The following QSER1 variants were observed in gnomAD, a reference collection of about 807,000 sequenced individuals.
The protein encoded by QSER1 is glutamine and serine-rich protein 1.
Under a neutral mutation model 158.5 loss-of-function variants are expected in QSER1, and 49 were observed. The observed-to-expected ratio is 0.31, with a 90% confidence interval of 0.25 to 0.39. The LOEUF (loss-of-function observed/expected upper bound fraction) is 0.39, where lower values mean the gene tolerates loss of function less well. Ranked by LOEUF, QSER1 falls within the 10% of genes least tolerant of loss-of-function variation. The probability of loss-of-function intolerance (pLI) is 1.00; values close to 1 mark genes in which losing one functional copy is unlikely to be tolerated. For synonymous variants in QSER1, 650 were observed against 715.5 expected, an observed-to-expected ratio of 0.91 and a Z score of 1.46; for missense variants, 1,754 against 2,010.3, an observed-to-expected ratio of 0.87 and a Z score of 2.44.
intron 1 of QSER1, among the ~76,000 whole-genome samples, chr11:32,916,619 A>G (rs4756359): frequency 0.36 from 54,340 of 152,030 alleles, 10,082 homozygotes; most frequent in South Asian, 0.45. Context: ...ACAAACCTGT[A>G]CAGGATCTTA....
chr11:32,916,589 T>G (rs989784936), intron 1 of QSER1, among the ~76,000 whole-genome samples: 1 of 152,086 alleles, frequency 6.6e-6, no homozygotes, highest in Non-Finnish European at 1.5e-5. Flanking sequence ...CTATATGGTA[T>G]GATCTGTCAA....
At chr11:32,915,196 C>T (rs1238540766) in intron 1 of QSER1, among the ~76,000 whole-genome samples, 2 of 152,216 alleles carry the variant, frequency 1.3e-5, no homozygotes, top group African/African-American at 4.8e-5. Flanking sequence ...GTGTGAGCCA[C>T]TGCACCTGGC....
chr11:32,977,916 C>G lies in QSER1; in HGVS notation c.*1442C>G, dbSNP rs114918008. ...TACTGCTCAATGCCCAAATAAGACACGCGGATATTGCTATTGTCTTGCTTT... is the reference window on the plus strand; with the variant it reads ...TACTGCTCAATGCCCAAATAAGACAGGCGGATATTGCTATTGTCTTGCTTT... On this transcript the variant is annotated 3_prime_UTR_variant, in exon 13 of 13. Transcript: ENST00000650167. 1 of 152,514 alleles carries G rather than the reference C, an allele frequency of 6.6e-6. No individual in the cohort carries two copies. Among genetic ancestry groups the G allele is most frequent in the Non-Finnish European group, 1.5e-5 (1 of 68,022 alleles). The allele number at this position is 152,514 out of a possible 1,614,324, so 9.4% of individuals were successfully genotyped here.
chr11:32,935,507 C>G, intron 4 of QSER1, 72 bp downstream of exon 4: 3 of 1,131,338 alleles, frequency 2.7e-6, no homozygotes, highest in Non-Finnish European at 3.7e-6. Context: ...ACATTTTAAG[C>G]TTTTTTCACT....
chr11:32,965,851 G>T (rs926144951), intron 8 of QSER1, among the ~76,000 whole-genome samples: 1 of 151,828 alleles, frequency 6.6e-6, no homozygotes, highest in African/African-American at 2.4e-5. Context: ...TGAGGCAGGA[G>T]AATTGCTTGA....
intron 6 of QSER1, among the ~76,000 whole-genome samples, chr11:32,955,631 C>CT (rs34968262): frequency 3.4e-5 from 5 of 147,782 alleles, no homozygotes; most frequent in Admixed American, 6.8e-5. Flanking sequence ...TATTGTTTAA[C>CT]TTTTTTTTTT....
intron 4 of QSER1, among the ~76,000 whole-genome samples, chr11:32,947,594 G>C (rs1356283234): frequency 6.6e-6 from 1 of 152,104 alleles, no homozygotes; most frequent in Non-Finnish European, 1.5e-5. Flanking sequence ...GTTTGTGCTT[G>C]TTACAGCTGG....
chr11:32,932,895 T>C lies in QSER1; in HGVS notation c.1637T>C (p.Leu546Pro). ...NENYPAQTRD[L>P]SSVSQSQSYS... Reference sequence around the variant, plus strand: ...AATTACCCTGCTCAAACAAGAGATCTGTCTTCAGTAAGTCAGTCTCAAAGT... The same window carrying C: ...AATTACCCTGCTCAAACAAGAGATCCGTCTTCAGTAAGTCAGTCTCAAAGT... Residue 546 changes from leucine (L) to proline (P), a missense_variant, in exon 4 of 13, where the codon CTG becomes CCG. Physicochemically the swap from Leu to Pro is moderately conservative, Grantham distance 98. This residue lies in a region of QSER1 where 1,707 missense variants were observed against 1,919.6 expected (regional missense o/e 0.89). Coordinates refer to ENST00000650167, the MANE Select transcript of QSER1 (RefSeq NM_001076786.3). 1.2e-6 allele frequency: 2 copies of C among 1,614,076 alleles called. No homozygotes were observed. Among genetic ancestry groups the C allele is most frequent in the Non-Finnish European group, 8.5e-7 (1 of 1,179,992 alleles).
chr11:32,932,373 A>G lies in QSER1; in HGVS notation c.1115A>G (p.Gln372Arg). 1.2e-6 allele frequency: 2 copies of G among 1,612,454 alleles called. No individual in the cohort carries two copies. The highest frequency in any genetic ancestry group is 1.7e-6 in the Non-Finnish European group (2 of 1,180,006). ...TGTAGCCCAATTGGAGATTCCACTC[A>G]GGTGAGCAACGGAGGATTACAACAG... ...LSCSPIGDST[Q>R]VSNGGLQQKT... The change falls in exon 4 of 13, where the codon CAG (glutamine) becomes CGG (arginine). Residue 372 changes from glutamine to arginine, a missense_variant. Physicochemically the swap from Gln to Arg is conservative, Grantham distance 43. Transcript: ENST00000650167.
intron 1 of QSER1, among the ~76,000 whole-genome samples, chr11:32,925,028 C>T (rs1265469958): frequency 6.6e-6 from 1 of 152,200 alleles, no homozygotes; most frequent in Non-Finnish European, 1.5e-5. Context: ...TAGCCTCCAG[C>T]AGCATCCATA....
At chr11:32,941,074 A>G (rs968839919) in intron 4 of QSER1, among the ~76,000 whole-genome samples, 1 of 151,746 alleles carries the variant, frequency 6.6e-6, no homozygotes, top group African/African-American at 2.4e-5. Context: ...CACTTTGACC[A>G]TATCTCATGG....
intron 8 of QSER1, among the ~76,000 whole-genome samples, chr11:32,965,665 GGCCAA>G (rs1165828332): frequency 3.3e-5 from 5 of 151,946 alleles, no homozygotes. Flanking sequence ...ACCTAGGAAG[GGCCAA>G]GCGTGGTGGC....
At chr11:32,947,664 A>C (rs1852358617) in intron 4 of QSER1, among the ~76,000 whole-genome samples, 1 of 152,126 alleles carries the variant, frequency 6.6e-6, no homozygotes, top group Non-Finnish European at 1.5e-5. Context: ...AATAATAAAA[A>C]GTTTTAAAAC....
chr11:32,922,367 G>A (rs79843524), intron 1 of QSER1, among the ~76,000 whole-genome samples: 2,827 of 151,790 alleles, frequency 0.019, 44 homozygotes, highest in South Asian at 0.039. Flanking sequence ...TCTAAACTCA[G>A]TAATAGAAAA....
rs764139300 is a variant in QSER1 at position 32,934,189 on chromosome 11, A to G, written c.2931A>G (p.Leu977=). ...TTCTTAGTGATGAAAGAAATATTTTATCAAATGTAGATGATATCTTAGCAG... is the reference window on the plus strand; with the variant it reads ...TTCTTAGTGATGAAAGAAATATTTTGTCAAATGTAGATGATATCTTAGCAG... ...AVLLSDERNI[L]SNVDDILAAT... is the part of the protein sequence containing the mutation. The change falls in exon 4 of 13, where the codon TTA becomes TTG. Residue 977 remains leucine, a synonymous_variant. Coordinates refer to ENST00000650167, the MANE Select transcript of QSER1 (RefSeq NM_001076786.3). 3.1e-5 allele frequency: 50 copies of G among 1,613,922 alleles called. No individual in the cohort carries two copies. Among genetic ancestry groups the G allele is most frequent in the Non-Finnish European group, 4.0e-5 (47 of 1,180,008 alleles).
chr11:32,913,044 C>G lies in QSER1; in HGVS notation c.210-14113C>G, dbSNP rs978610479. 1.2e-4 allele frequency among the ~76,000 whole-genome samples: 18 copies of G among 152,198 alleles called. No individual in the cohort carries two copies. In the East Asian group the frequency reaches 3.5e-3, roughly 29 times the overall value. ...TTCCTGTCTACCTCATATCCCTGTT[C>G]TCCAATACAACCATGCTGAATTACT... On this transcript the variant is annotated intron_variant, in intron 1 of 12. Transcript: ENST00000650167.
chr11:32,932,760 T>C lies in QSER1; in HGVS notation c.1502T>C (p.Leu501Ser), dbSNP rs1374865639. ...AGCAAGGTTGAGAAATTGCCACCCT[T>C]GTATAAAACATTGACTTTTTCTGGG... ...RSSKVEKLPP[L>S]YKTLTFSGSS... Residue 501 changes from leucine to serine, a missense_variant, in exon 4 of 13, where the codon TTG becomes TCG. Coordinates refer to ENST00000650167, the MANE Select transcript of QSER1 (RefSeq NM_001076786.3). 1 of 1,614,100 alleles carries C rather than the reference T, an allele frequency of 6.2e-7. No individual in the cohort carries two copies. Among genetic ancestry groups the C allele is most frequent in the Non-Finnish European group, 8.5e-7 (1 of 1,179,996 alleles).
Position 32,935,410 on chromosome 11 carries a change from T to A in QSER1, c.4152T>A (p.Ala1384=). 6.6e-7 allele frequency: 1 copy of A among 1,521,468 alleles called. No individual in the cohort carries two copies. Among genetic ancestry groups the A allele is most frequent in the Non-Finnish European group, 8.8e-7 (1 of 1,142,744 alleles). The allele number at this position is 1,521,468 out of a possible 1,614,324, so 94.2% of individuals were successfully genotyped here. Residue 1384 remains alanine (A), a synonymous_variant, in exon 4 of 13, where the codon GCT becomes GCA. Coordinates refer to ENST00000650167, the MANE Select transcript of QSER1 (RefSeq NM_001076786.3). ...CTACTCCCTTAACTACTTTGGATGC[T>A]ACTTCTGATAAAAAGAAGAAAACAG... ...SVSTPLTTLD[A]TSDKKKKTEA...
rs777895463 is a variant in QSER1 at position 32,934,762 on chromosome 11, T to C, written c.3504T>C (p.Ala1168=). 6.2e-7 allele frequency: 1 copy of C among 1,614,042 alleles called. No individual in the cohort carries two copies. The highest frequency in any genetic ancestry group is 8.5e-7 in the Non-Finnish European group (1 of 1,179,990). ...GDDSGVSMNP[A]RSALALLAMA... is the part of the protein sequence containing the mutation. The stretch of plus-strand genomic sequence containing the variant: ...ACAGTGGTGTGTCAATGAACCCAGC[T>C]AGGAGTGCACTTGCACTGTTGGCCA... The change falls in exon 4 of 13, where the codon GCT becomes GCC. Residue 1168 remains alanine, a synonymous_variant. Coordinates refer to ENST00000650167, the MANE Select transcript of QSER1 (RefSeq NM_001076786.3).
Sources: gnomAD v4.1 joint callset for allele counts (sites outside exome capture counted in the v4.1 genomes callset) on GRCh38, gnomAD v4.1.1 for gene constraint, gnomAD v4.1.1 regional missense constraint, MANE v1.5 for transcripts, NCBI Gene and HGNC (gene_info 2026-07-23, HGNC 2026-07-21) for gene names.